ACSM4: variants seen among roughly 807,000 people sequenced by gnomAD.
ACSM4 encodes acyl-CoA synthetase medium chain family member 4, also known as acyl-coenzyme A synthetase ACSM4, mitochondrial.
ACSM4 carries 66 observed loss-of-function variants against 73.0 expected under a neutral mutation model. The observed-to-expected ratio is 0.90, with a 90% CI of 0.74 to 1.11. The LOEUF (loss-of-function observed/expected upper bound fraction) is 1.11, where lower values mean the gene tolerates loss of function less well. Among genes scored for constraint, ACSM4 ranks in the 50% least tolerant of loss-of-function variants. The pLI, the probability that ACSM4 is intolerant of heterozygous loss-of-function variation, is 0.00. For synonymous variants in ACSM4, 222 were observed against 254.0 expected (o/e 0.87, Z 1.20); for missense variants, 645 against 714.4 (o/e 0.90, Z 1.11).
chr12:7,324,046 C>T (rs1263696113), intron 9 of ACSM4, among the ~76,000 whole-genome samples: 2 of 151,790 alleles, frequency 1.3e-5, no homozygotes, highest in East Asian at 3.9e-4. Flanking sequence ...GGTGTTGTGG[C>T]ACATGTCTGT....
At chr12:7,315,467 C>T (rs536722623) in intron 3 of ACSM4, among the ~76,000 whole-genome samples, 10 of 151,656 alleles carry the variant, frequency 6.6e-5, no homozygotes, top group Admixed American at 5.3e-4. Context: ...AAAAATTAGC[C>T]GGGTGTCGTG....
Position 7,310,453 on chromosome 12 carries a change from A to T in ACSM4, c.413-86A>T, listed in dbSNP as rs1946383825. On this transcript the variant is annotated intron_variant, in intron 2 of 12. Transcript: ENST00000399422. ...TGAGGTAGCTGAAGAATGGATTGTG[A>T]TGCTTCTCCTCACCGAGGCACAAAG... 4.6e-6 allele frequency: 6 copies of T among 1,303,528 alleles called. No individual in the cohort carries two copies. The Admixed American group carries it at 8.1e-5, about 18-fold the overall frequency. The allele number at this position is 1,303,528 out of a possible 1,614,324, so 80.7% of individuals were successfully genotyped here. A position where few individuals can be genotyped will look rare whatever the true frequency, so the allele number is the denominator to read the frequency against.
At chr12:7,328,228 G>A (rs1360373628) in intron 12 of ACSM4, 59 bp from the exon 13 acceptor site, 26 of 1,333,388 alleles carry the variant, frequency 1.9e-5, no homozygotes, top group Admixed American at 1.2e-4. Context: ...CCTTCCTATC[G>A]CACGGACAAT....
intron 12 of ACSM4, 36 bp downstream of exon 12, chr12:7,327,131 A>C: frequency 6.4e-7 from 1 of 1,560,356 alleles, no homozygotes; most frequent in Non-Finnish European, 8.7e-7. Context: ...TTTGGATGTT[A>C]CCAAACTAGG....
intron 6 of ACSM4, among the ~76,000 whole-genome samples, chr12:7,321,622 A>G (rs1173183577): frequency 2.0e-5 from 3 of 152,238 alleles, no homozygotes; most frequent in African/African-American, 7.2e-5. Flanking sequence ...TATTTTGAAT[A>G]CACATGATTT....
In ACSM4 at chr12:7,324,396, T is replaced by G. The variant is rs1217580283; in HGVS notation, c.1432T>G (p.Ser478Ala). ...CAGAGCTGATGATGTCATTATATCC[T>G]CTGGGTTTGTATATTTGCCACTCTG... ...VGRADDVIIS[S>A]GYRIGPFEVE... The change falls in exon 10 of 13, where the codon TCT becomes GCT. Residue 478 changes from serine to alanine, a missense_variant. Transcript: ENST00000399422. The G allele has an allele frequency of 6.2e-7, 1 of 1,614,134 alleles. No individual in the cohort carries two copies. The highest frequency in any genetic ancestry group is 1.7e-5 in the Admixed American group (1 of 60,026).
rs780054182 is a variant in ACSM4 at position 7,304,509 on chromosome 12, G to A, written c.178G>A (p.Asp60Asn). Residue 60 changes from aspartate (D) to asparagine (N), a missense_variant, in exon 1 of 13, where the codon GAC becomes AAC. By Grantham distance (23) the Asp-to-Asn change is conservative (BLOSUM62 1). Coordinates refer to ENST00000399422, the MANE Select transcript of ACSM4 (RefSeq NM_001080454.2). ...CTTTAACTTTGCTGCAGATGTGCTG[G>A]ACCAGTGGTCCCAAAAGGAGAAGGT... is the stretch of plus-strand genomic sequence containing the variant. ...KNFNFAADVL[D>N]QWSQKEKTGE... 1.4e-4 allele frequency: 226 copies of A among 1,613,626 alleles called. 3 individuals are homozygous for A. The South Asian group carries it at 2.4e-3, about 17-fold the overall frequency.
chr12:7,309,309 C>G (rs1308030619), intron 2 of ACSM4, among the ~76,000 whole-genome samples: 2 of 152,142 alleles, frequency 1.3e-5, no homozygotes, highest in African/African-American at 2.4e-5. Flanking sequence ...CAGCTCTGAC[C>G]AAATCTCACA....
chr12:7,328,356 G>A lies in ACSM4; in HGVS notation c.1726G>A (p.Glu576Lys), dbSNP rs1946526677. ...KIKRNVLRDQ[E>K]WRGR is the part of the protein sequence containing the mutation. ...CAAACGCAACGTTTTAAGAGACCAA[G>A]AATGGAGAGGAAGATAGTTTGATAA... Residue 576 changes from glutamate to lysine, a missense_variant, in exon 13 of 13, where the codon GAA becomes AAA. Glu to Lys is a moderately conservative substitution (Grantham distance 56, BLOSUM62 1). Coordinates refer to ENST00000399422, the MANE Select transcript of ACSM4 (RefSeq NM_001080454.2). 2 of 1,589,810 alleles carry A rather than the reference G, an allele frequency of 1.3e-6. No individual in the cohort carries two copies. The highest frequency in any genetic ancestry group is 2.7e-5 in the African/African-American group (2 of 74,472).
intron 6 of ACSM4, among the ~76,000 whole-genome samples, chr12:7,321,062 A>C (rs577593852): frequency 5.2e-4 from 79 of 152,262 alleles, no homozygotes; most frequent in Middle Eastern, 6.8e-3. Context: ...GACACTGCCG[A>C]ATGTCTTCTG....
At chr12:7,322,588 G>A (rs1679233657) in intron 7 of ACSM4, 47 bp downstream of exon 7, 1 of 1,554,518 alleles carries the variant, frequency 6.4e-7, no homozygotes, top group Admixed American at 2.0e-5. Flanking sequence ...GGGCCTTTCT[G>A]CCCCAGGTTT....
At chr12:7,328,217 T>G in intron 12 of ACSM4, 70 bp from the exon 13 acceptor site, 1 of 1,209,976 alleles carries the variant, frequency 8.3e-7, no homozygotes, top group Non-Finnish European at 1.2e-6. Flanking sequence ...CCATGCAAGC[T>G]CCTTCCTATC....
intron 3 of ACSM4, among the ~76,000 whole-genome samples, chr12:7,311,210 G>T (rs10843395): frequency 0.074 from 11,314 of 151,894 alleles, 475 homozygotes; most frequent in East Asian, 0.16. Flanking sequence ...AAAAGAAAAA[G>T]AAAAGTATTA....
intron 3 of ACSM4, among the ~76,000 whole-genome samples, chr12:7,316,708 A>G (rs1178015431): frequency 6.6e-6 from 1 of 152,236 alleles, no homozygotes; most frequent in Non-Finnish European, 1.5e-5. Context: ...AAAAGTTTGA[A>G]TCAAATGCCA....
chr12:7,308,936 T>G (rs1946375240), intron 2 of ACSM4, among the ~76,000 whole-genome samples: 1 of 152,212 alleles, frequency 6.6e-6, no homozygotes, highest in South Asian at 2.1e-4. Context: ...CTTTGCCACT[T>G]ATTGACTTTG....
At position 7,315,233 on chromosome 12, in the gene ACSM4, T is replaced by A. The variant is rs1946414358; in HGVS notation, c.621-1904T>A. Among the ~76,000 whole-genome samples the A allele has an allele frequency of 3.3e-5, 5 of 152,002 alleles. No individual in the cohort carries two copies. In the South Asian group the frequency reaches 1.0e-3, roughly 32 times the overall value. ...AAAAATCCTCACTGTTTTTACCATT[T>A]CAATGACAATGTCACTCATTCACCA... On this transcript the variant is annotated intron_variant, in intron 3 of 12. Coordinates refer to ENST00000399422, the MANE Select transcript of ACSM4 (RefSeq NM_001080454.2).
chr12:7,319,589 C>CAAA (rs757305753), intron 5 of ACSM4, among the ~76,000 whole-genome samples: 1 of 53,676 alleles, frequency 1.9e-5, no homozygotes. Context: ...GACTCCGTCT[C>CAAA]AAAAAAAAAA....
In ACSM4 at chr12:7,328,283, T is replaced by C; in HGVS notation, c.1657-4T>C. On this transcript the variant is annotated splice_region_variant and splice_polypyrimidine_tract_variant and intron_variant, in intron 12 of 12. Coordinates refer to ENST00000399422, the MANE Select transcript of ACSM4 (RefSeq NM_001080454.2). ...GTCTCATCACGTTTTTTTCTGTCAA[T>C]TAGGTGGAATTTGTTCAAGAACTCC... 1 of 1,575,412 alleles carries C rather than the reference T, an allele frequency of 6.3e-7. No individual in the cohort carries two copies. The highest frequency in any genetic ancestry group is 8.6e-7 in the Non-Finnish European group (1 of 1,159,178).
At chr12:7,306,821 CT>C in intron 2 of ACSM4, 78 bp downstream of exon 2, 1 of 1,140,384 alleles carries the variant, frequency 8.8e-7, no homozygotes, top group Non-Finnish European at 1.2e-6. Context: ...ATTGTTAGCT[CT>C]GATTAAAAGT....
Sources: gnomAD v4.1 joint callset for allele counts (sites outside exome capture counted in the v4.1 genomes callset) on GRCh38, gnomAD v4.1.1 for gene constraint, MANE v1.5 for transcripts, NCBI Gene and HGNC (gene_info 2026-07-23, HGNC 2026-07-21) for gene names.